Variants in DENND1A observed in about 807,000 individuals in gnomAD.
DENND1A encodes the protein DENN domain-containing protein 1A.
In DENND1A, 51 loss-of-function variants were observed where a neutral mutation model predicts 113.7. The ratio of observed to expected loss-of-function variants is 0.45; its 90% CI spans 0.36 to 0.57. DENND1A has a LOEUF of 0.57. DENND1A is among the 20% of genes least tolerant of loss of function. DENND1A has a pLI of 0.00. For synonymous variants in DENND1A, 565 were observed against 570.8 expected (o/e 0.99, Z 0.14); for missense variants, 1,258 against 1,395.9 (o/e 0.90, Z 1.57).
chr9:123,414,526 C>T, intron 19 of DENND1A: 6 of 1,548,920 alleles, frequency 3.9e-6, no homozygotes, highest in Non-Finnish European at 5.2e-6. Flanking sequence ...AAGGAGGTTC[C>T]CCAGCCAGGC....
intron 3 of DENND1A, among the ~76,000 whole-genome samples, chr9:123,781,250 C>T (rs191427115): frequency 6.6e-6 from 1 of 152,168 alleles, no homozygotes; most frequent in African/African-American, 2.4e-5. Context: ...GTTATGCCCA[C>T]GATTTCTGTG....
chr9:123,635,453 A>G (rs1399647111), intron 9 of DENND1A, among the ~76,000 whole-genome samples: 1 of 152,258 alleles, frequency 6.6e-6, no homozygotes, highest in African/African-American at 2.4e-5. Context: ...TGTTTCCACA[A>G]TGCATAATAA....
intron 22 of DENND1A, among the ~76,000 whole-genome samples, 171 bp downstream of exon 22, chr9:123,387,559 A>G (rs992232885): frequency 6.6e-6 from 1 of 152,188 alleles, no homozygotes; most frequent in African/African-American, 2.4e-5. Flanking sequence ...GAGAGGTGGC[A>G]CGCAGAGGTG....
At chr9:123,526,874 T>C (rs779745554) in intron 13 of DENND1A, among the ~76,000 whole-genome samples, 40 of 152,220 alleles carry the variant, frequency 2.6e-4, no homozygotes, top group Non-Finnish European at 4.9e-4. Context: ...TATATGTTGA[T>C]ACAACTCAAA....
chr9:123,579,502 G>A (rs541537153), intron 12 of DENND1A, among the ~76,000 whole-genome samples: 2 of 152,256 alleles, frequency 1.3e-5, no homozygotes, highest in East Asian at 1.9e-4. Flanking sequence ...GGCATGAGGC[G>A]GAAAGATTGG....
chr9:123,704,002 C>A (rs946492306), intron 5 of DENND1A, among the ~76,000 whole-genome samples: 62 of 151,980 alleles, frequency 4.1e-4, no homozygotes, highest in African/African-American at 1.4e-3. Context: ...TTCTTTAGTT[C>A]ATCCATTTTG....
chr9:123,504,999 A>G (rs1264394747), intron 13 of DENND1A, among the ~76,000 whole-genome samples: 1 of 152,224 alleles, frequency 6.6e-6, no homozygotes, highest in African/African-American at 2.4e-5. Context: ...CCCCCCTTGT[A>G]AAAGAAGAGT....
intron 2 of DENND1A, among the ~76,000 whole-genome samples, chr9:123,795,577 G>A (rs1833643748): frequency 6.6e-6 from 1 of 152,170 alleles, no homozygotes; most frequent in Non-Finnish European, 1.5e-5. Context: ...GTTTTTACAA[G>A]TACTCTATGT....
intron 6 of DENND1A, among the ~76,000 whole-genome samples, chr9:123,674,713 T>A (rs1190476226): frequency 6.6e-6 from 1 of 152,228 alleles, no homozygotes; most frequent in Non-Finnish European, 1.5e-5. Flanking sequence ...GAGGAAAGGT[T>A]CACCAGTTTT....
intron 12 of DENND1A, 49 bp from the exon 13 acceptor site, chr9:123,557,744 G>C (rs748052044): frequency 1.9e-5 from 31 of 1,603,620 alleles, no homozygotes; most frequent in Non-Finnish European, 2.6e-5. Flanking sequence ...GGTCAAAGTA[G>C]GGTGGCTGAC....
intron 22 of DENND1A, among the ~76,000 whole-genome samples, chr9:123,384,217 A>G (rs977099747): frequency 6.6e-6 from 1 of 152,192 alleles, no homozygotes; most frequent in Non-Finnish European, 1.5e-5. Context: ...TGGGCTTGTG[A>G]GCCATTCAGA....
At chr9:123,723,126 T>C (rs1366321287) in intron 5 of DENND1A, among the ~76,000 whole-genome samples, 2 of 152,184 alleles carry the variant, frequency 1.3e-5, no homozygotes, top group African/African-American at 2.4e-5. Flanking sequence ...ACGGAGTCAA[T>C]GGAGATAATT....
At chr9:123,796,588 A>G (rs765867509) in intron 2 of DENND1A, among the ~76,000 whole-genome samples, 1 of 152,140 alleles carries the variant, frequency 6.6e-6, no homozygotes, top group African/African-American at 2.4e-5. Context: ...GAAAGGTGCT[A>G]TAAATTATTT....
At chr9:123,854,530 A>G (rs894588828) in intron 2 of DENND1A, among the ~76,000 whole-genome samples, 4 of 151,946 alleles carry the variant, frequency 2.6e-5, no homozygotes, top group African/African-American at 9.7e-5. Context: ...ACCTAGCTCT[A>G]CTAAAAATAC....
At chr9:123,595,710 G>A (rs2059656007) in intron 11 of DENND1A, among the ~76,000 whole-genome samples, 1 of 152,144 alleles carries the variant, frequency 6.6e-6, no homozygotes, top group Non-Finnish European at 1.5e-5. Context: ...CCGAGGTCAT[G>A]CTCCTTACCT....
intron 9 of DENND1A, among the ~76,000 whole-genome samples, chr9:123,631,632 T>C (rs2061479940): frequency 6.6e-6 from 1 of 152,248 alleles, no homozygotes; most frequent in African/African-American, 2.4e-5. Context: ...CATCTGGAAT[T>C]ACTTTAGGTT....
chr9:123,613,274 A>G (rs567753380), intron 10 of DENND1A, among the ~76,000 whole-genome samples: 18 of 152,338 alleles, frequency 1.2e-4, no homozygotes, highest in Non-Finnish European at 2.4e-4. Flanking sequence ...ACACATTTTT[A>G]AAAACCTCTT....
chr9:123,905,443 T>C (rs929237101), intron 1 of DENND1A, among the ~76,000 whole-genome samples: 3 of 146,652 alleles, frequency 2.0e-5, no homozygotes, highest in Non-Finnish European at 3.0e-5. Context: ...CCCATCAGTG[T>C]GCTGTATTCA....
intron 19 of DENND1A, 27 bp downstream of exon 19, chr9:123,440,329 AACAG>A (rs1564491489): frequency 2.5e-6 from 4 of 1,574,078 alleles, no homozygotes; most frequent in South Asian, 1.2e-5. Flanking sequence ...AAAAAAACAA[AACAG>A]ACAGGTAGGA....
Sources: allele counts gnomAD v4.1 joint callset (sites outside exome capture counted in the v4.1 genomes callset), GRCh38; gene constraint gnomAD v4.1.1; transcripts MANE v1.5; gene names NCBI Gene and HGNC (gene_info 2026-07-23, HGNC 2026-07-21).